Variants in MEF2C observed in about 807,000 individuals in gnomAD.
MEF2C encodes the protein myocyte enhancer factor 2C.
Under a neutral mutation model 50.5 loss-of-function variants are expected in MEF2C, and 6 were observed. The ratio of observed to expected loss-of-function variants is 0.12; its 90% CI spans 0.07 to 0.23. The LOEUF (loss-of-function observed/expected upper bound fraction) is 0.23. Ranked by LOEUF, MEF2C falls within the 10% of genes least tolerant of loss-of-function variation. The pLI is 1.00. For missense variants in MEF2C, 276 were observed against 605.0 expected (o/e 0.46, Z 5.70); for synonymous variants, 183 against 228.0 (o/e 0.80, Z 1.78).
chr5:88,742,663 C>G, intron 6 of MEF2C: 1 of 985,238 alleles, frequency 1.0e-6, no homozygotes, highest in Non-Finnish European at 1.2e-6. Flanking sequence ...GAAGTCAAAC[C>G]AAAGGGGTCG....
intron 2 of MEF2C, among the ~76,000 whole-genome samples, chr5:88,820,754 C>T (rs1396222227): frequency 3.9e-5 from 6 of 151,982 alleles, no homozygotes; most frequent in East Asian, 1.9e-4. Flanking sequence ...GCCCAGGTTA[C>T]GGGTGCCTCT....
intron 3 of MEF2C, among the ~76,000 whole-genome samples, chr5:88,779,842 TATA>T (rs750684797): frequency 2.0e-5 from 3 of 151,206 alleles, no homozygotes; most frequent in Non-Finnish European, 4.4e-5. Flanking sequence ...CTAATCATAA[TATA>T]AGAATTTGCA....
intron 6 of MEF2C, chr5:88,733,266 C>T: frequency 4.1e-6 from 4 of 985,226 alleles, no homozygotes; most frequent in Non-Finnish European, 4.8e-6. Context: ...GTTTAAAGAG[C>T]ATGGTAAGGG....
At chr5:88,742,505 T>C in intron 6 of MEF2C, 1 of 978,758 alleles carries the variant, frequency 1.0e-6, no homozygotes. Context: ...TTACTGTAGA[T>C]ATAGAAGGAT....
intron 1 of MEF2C, among the ~76,000 whole-genome samples, chr5:88,825,179 C>A (rs969057329): frequency 2.6e-5 from 4 of 151,736 alleles, no homozygotes; most frequent in African/African-American, 9.7e-5. Flanking sequence ...GTTCTTGGAA[C>A]AGGAAGGCTG....
At chr5:88,897,440 C>T (rs796388) in intron 1 of MEF2C, among the ~76,000 whole-genome samples, 152,193 of 152,322 alleles carry the variant, frequency 1, 76,038 homozygotes, top group Non-Finnish European at 1. Flanking sequence ...TGATGATTAA[C>T]TGAGCATTCT....
chr5:88,737,240 T>A, intron 6 of MEF2C: 1 of 985,288 alleles, frequency 1.0e-6, no homozygotes, highest in Non-Finnish European at 1.2e-6. Context: ...AGATAATGAT[T>A]GCAAATTGAT....
chr5:88,719,721 C>T lies in MEF2C; in HGVS notation c.*2883G>A, dbSNP rs1755650682. Reference sequence around the variant, plus strand: ...GACCAAGATTGTTTACAGAAAGTGACTCATCAAAATCAAAATTGTGCTTCT... The same window carrying T: ...GACCAAGATTGTTTACAGAAAGTGATTCATCAAAATCAAAATTGTGCTTCT... On this transcript the variant is annotated 3_prime_UTR_variant, in exon 11 of 11. Coordinates refer to ENST00000504921, the MANE Select transcript of MEF2C (RefSeq NM_002397.5). 6.6e-6 allele frequency: 1 copy of T among 152,142 alleles called. No individual in the cohort carries two copies. Among genetic ancestry groups the T allele is most frequent in the African/African-American group, 2.4e-5 (1 of 41,440 alleles). 9.4% of individuals were successfully genotyped at this position (152,142 alleles called of 1,614,324 possible).
At chr5:88,893,010 G>A (rs563199753) in intron 1 of MEF2C, among the ~76,000 whole-genome samples, 1 of 152,316 alleles carries the variant, frequency 6.6e-6, no homozygotes, top group African/African-American at 2.4e-5. Flanking sequence ...CAACACTACA[G>A]CTGTGTTAGG....
intron 1 of MEF2C, among the ~76,000 whole-genome samples, chr5:88,857,820 A>G (rs995079193): frequency 2.6e-5 from 4 of 152,216 alleles, no homozygotes; most frequent in Admixed American, 6.5e-5. Context: ...TTTTCTTTAT[A>G]AATTATCCAG....
Position 88,799,373 on chromosome 5 carries a change from G to T in MEF2C, c.258+5225C>A, listed in dbSNP as rs144778899. On this transcript the variant is annotated intron_variant, in intron 3 of 10. Transcript: ENST00000504921. ...AGGAGGAATCTAGAGAGGCAGTCTG[G>T]CTACAGTGGCTTTACATCTATATTT... 4.8e-3 allele frequency among the ~76,000 whole-genome samples: 738 copies of T among 152,294 alleles called. 3 individuals are homozygous for T. The highest frequency in any genetic ancestry group is 0.017 in the African/African-American group (703 of 41,554).
At chr5:88,761,421 G>A (rs1777792283) in intron 3 of MEF2C, 93 bp from the exon 4 acceptor site, 3 of 1,414,912 alleles carry the variant, frequency 2.1e-6, no homozygotes, top group African/African-American at 1.4e-5. Flanking sequence ...CAGTATTTCA[G>A]GTTATTACAT....
chr5:88,802,565 G>GC (rs1173444941), intron 3 of MEF2C, among the ~76,000 whole-genome samples: 3 of 152,098 alleles, frequency 2.0e-5, no homozygotes, highest in South Asian at 2.1e-4. Context: ...TCCCCCTTCA[G>GC]CCCCCCAGGT....
At chr5:88,867,765 A>T (rs1047277798) in intron 1 of MEF2C, among the ~76,000 whole-genome samples, 3 of 152,222 alleles carry the variant, frequency 2.0e-5, no homozygotes, top group Non-Finnish European at 4.4e-5. Flanking sequence ...ATAGAAGATC[A>T]GTCCTACTTT....
At chr5:88,872,956 T>C (rs1829956638) in intron 1 of MEF2C, among the ~76,000 whole-genome samples, 1 of 151,996 alleles carries the variant, frequency 6.6e-6, no homozygotes, top group Non-Finnish European at 1.5e-5. Flanking sequence ...TCTTTATGCT[T>C]GTTTAAACGA....
At chr5:88,877,830 T>C (rs1024109593) in intron 1 of MEF2C, 5 of 152,022 alleles carry the variant, frequency 3.3e-5, no homozygotes, top group Non-Finnish European at 4.4e-5. Context: ...CAGTTTAAGA[T>C]AGGTTGTCAA....
intron 1 of MEF2C, among the ~76,000 whole-genome samples, chr5:88,862,776 G>T (rs1345047611): frequency 6.6e-6 from 1 of 152,150 alleles, no homozygotes; most frequent in Non-Finnish European, 1.5e-5. Flanking sequence ...GCAGGAGTGG[G>T]CGCTGAGGAG....
chr5:88,793,568 T>A (rs1169144250), intron 3 of MEF2C, among the ~76,000 whole-genome samples: 1 of 152,146 alleles, frequency 6.6e-6, no homozygotes, highest in Non-Finnish European at 1.5e-5. Context: ...AATGATTAGG[T>A]AAGTGAATCT....
rs747927607 is a variant in MEF2C at position 88,781,635 on chromosome 5, T to A, written c.259-20307A>T. ...AGGGGAGAGTTTTCATATTTGGCAG[T>A]ATTGTATTCAGAATCCTGACCTGTT... On this transcript the variant is annotated intron_variant, in intron 3 of 10. Transcript: ENST00000504921. 6.4e-4 allele frequency among the ~76,000 whole-genome samples: 97 copies of A among 152,220 alleles called. 2 individuals carry two copies. The highest frequency in any genetic ancestry group is 4.1e-4 in the South Asian group (2 of 4,820).
Sources: gnomAD v4.1 joint callset for allele counts (sites outside exome capture counted in the v4.1 genomes callset) on GRCh38, gnomAD v4.1.1 for gene constraint, MANE v1.5 for transcripts, NCBI Gene and HGNC (gene_info 2026-07-23, HGNC 2026-07-21) for gene names.